SLC25A26: variants seen among roughly 807,000 people sequenced by gnomAD.
The protein encoded by SLC25A26 is solute carrier family 25 member 26, also known as mitochondrial S-adenosylmethionine carrier protein.
SLC25A26 carries 36 observed loss-of-function variants against 37.8 expected under a neutral mutation model. The observed-to-expected ratio is 0.95, with a 90% CI of 0.73 to 1.26. SLC25A26 has a LOEUF of 1.26. SLC25A26 is among the 50% of genes most tolerant of loss of function. The pLI, the probability that SLC25A26 is intolerant of heterozygous loss-of-function variation, is 0.00. For missense variants in SLC25A26, 390 were observed against 331.1 expected (o/e 1.18, Z -1.38); for synonymous variants, 129 against 122.5 (o/e 1.05, Z -0.35).
At chr3:66,151,664 C>T (rs1328189810) in intron 1 of SLC25A26, among the ~76,000 whole-genome samples, 1 of 152,184 alleles carries the variant, frequency 6.6e-6, no homozygotes, top group Non-Finnish European at 1.5e-5. Flanking sequence ...ATCATCCTCT[C>T]CTTCTGACTT....
intron 1 of SLC25A26, among the ~76,000 whole-genome samples, chr3:66,210,110 C>T (rs957047174): frequency 6.8e-4 from 103 of 150,428 alleles, no homozygotes; most frequent in African/African-American, 2.4e-3. Context: ...CCTTCACTTC[C>T]TCCTTCCTCC....
rs143402288 is a variant in SLC25A26, at chr3:66,295,637, G to T, written c.453+32258G>T. 2.1e-3 allele frequency among the ~76,000 whole-genome samples: 325 copies of T among 151,750 alleles called. 1 individual carries two copies. Among genetic ancestry groups the T allele is most frequent in the African/African-American group, 7.2e-3 (297 of 41,428 alleles). On this transcript the variant is annotated intron_variant, in intron 5 of 9. Coordinates refer to ENST00000354883, the MANE Select transcript of SLC25A26 (RefSeq NM_001379210.1). ...AGAATGCTCTTGATCTCCTGACTTC[G>T]TGATCCGCCCACCTCGGCCTCCCGA...
intron 5 of SLC25A26, among the ~76,000 whole-genome samples, chr3:66,314,116 C>T (rs1283863190): frequency 6.6e-6 from 1 of 152,126 alleles, no homozygotes; most frequent in Non-Finnish European, 1.5e-5. Context: ...TTATTTCTTT[C>T]TCTTGCCTGA....
At chr3:66,374,639 T>C (rs1227351400) in intron 9 of SLC25A26, among the ~76,000 whole-genome samples, 3 of 152,190 alleles carry the variant, frequency 2.0e-5, no homozygotes, top group Non-Finnish European at 4.4e-5. Flanking sequence ...AATCCCAGGA[T>C]TTTGGGGGGC....
At chr3:66,302,654 G>T (rs2075109591) in intron 5 of SLC25A26, among the ~76,000 whole-genome samples, 1 of 152,198 alleles carries the variant, frequency 6.6e-6, no homozygotes, top group Non-Finnish European at 1.5e-5. Flanking sequence ...ACATACATTA[G>T]TTAAAATCAA....
At chr3:66,298,018 C>G (rs565818849) in intron 5 of SLC25A26, among the ~76,000 whole-genome samples, 1 of 152,284 alleles carries the variant, frequency 6.6e-6, no homozygotes, top group East Asian at 1.9e-4. Flanking sequence ...AAAGTACAGT[C>G]CCTCCACGAA....
intron 1 of SLC25A26, among the ~76,000 whole-genome samples, chr3:66,186,295 C>G (rs1199450889): frequency 6.6e-6 from 1 of 151,890 alleles, no homozygotes; most frequent in Non-Finnish European, 1.5e-5. Flanking sequence ...GATATTATCT[C>G]ACTCTGACCC....
At chr3:66,314,087 C>T (rs1047421221) in intron 5 of SLC25A26, among the ~76,000 whole-genome samples, 1 of 152,184 alleles carries the variant, frequency 6.6e-6, no homozygotes, top group Non-Finnish European at 1.5e-5. Flanking sequence ...TTGACTTCCT[C>T]TCTTCTTGTT....
chr3:66,166,918 C>T (rs369855739), intron 1 of SLC25A26, among the ~76,000 whole-genome samples: 3 of 152,184 alleles, frequency 2.0e-5, no homozygotes, highest in African/African-American at 4.8e-5. Flanking sequence ...ATCATGGGGG[C>T]GGGTATTTCC....
rs376953132 is a variant in SLC25A26 at position 66,309,783 on chromosome 3, G to A, written c.454-36581G>A. 7.9e-5 allele frequency among the ~76,000 whole-genome samples: 12 copies of A among 151,954 alleles called. No homozygotes were observed. In the East Asian group the frequency reaches 1.5e-3, roughly 20 times the overall value. The stretch of plus-strand genomic sequence containing the variant: ...TTTATCTAATAGTCATTCAGGAGCA[G>A]GTTGTTTCCGTGTAGTTGCGTGGTT... On this transcript the variant is annotated intron_variant, in intron 5 of 9. Transcript: ENST00000354883.
intron 1 of SLC25A26, among the ~76,000 whole-genome samples, chr3:66,225,583 T>C (rs1553660213): frequency 2.6e-5 from 4 of 152,236 alleles, no homozygotes; most frequent in African/African-American, 9.6e-5. Context: ...CCCACTGTCT[T>C]GTCAGTTAAC....
intron 1 of SLC25A26, among the ~76,000 whole-genome samples, chr3:66,176,298 G>A (rs1391936421): frequency 2.0e-5 from 3 of 152,054 alleles, no homozygotes; most frequent in Non-Finnish European, 4.4e-5. Context: ...GTCTTCCATC[G>A]AAACTAAGAA....
At chr3:66,187,179 A>C (rs1477702000) in intron 1 of SLC25A26, among the ~76,000 whole-genome samples, 1 of 151,700 alleles carries the variant, frequency 6.6e-6, no homozygotes, top group South Asian at 2.1e-4. Context: ...CTTGACCCTG[A>C]CCCTCACCAT....
rs2073892725 is a variant in SLC25A26 at position 66,269,834 on chromosome 3, C to A, written c.453+6455C>A. ...ATTGTTTTCTTTGATTTACCTTGTTCTCTTTCAGTTTGTCCTTATAGTTGG... is the reference window on the plus strand; with the variant it reads ...ATTGTTTTCTTTGATTTACCTTGTTATCTTTCAGTTTGTCCTTATAGTTGG... On this transcript the variant is annotated intron_variant, in intron 5 of 9. Transcript: ENST00000354883. Among the ~76,000 whole-genome samples the A allele has an allele frequency of 2.0e-5, 3 of 152,120 alleles. 1 individual carries two copies. In the South Asian group the frequency reaches 6.2e-4, roughly 32 times the overall value.
At chr3:66,264,781 G>A (rs561655401) in intron 5 of SLC25A26, among the ~76,000 whole-genome samples, 23 of 152,178 alleles carry the variant, frequency 1.5e-4, no homozygotes, top group Non-Finnish European at 2.6e-4. Flanking sequence ...TCTGTATCAG[G>A]CAGTGAGCCC....
At chr3:66,349,222 A>AT (rs1403251702) in intron 6 of SLC25A26, among the ~76,000 whole-genome samples, 8 of 151,294 alleles carry the variant, frequency 5.3e-5, no homozygotes, top group East Asian at 1.9e-4. Flanking sequence ...AGATGCTGCC[A>AT]TTTTTTTTTC....
chr3:66,274,260 T>G (rs2074054603), intron 5 of SLC25A26, among the ~76,000 whole-genome samples: 1 of 152,104 alleles, frequency 6.6e-6, no homozygotes, highest in African/African-American at 2.4e-5. Context: ...CAAGATGGGT[T>G]AAAGACTTAA....
intron 5 of SLC25A26, among the ~76,000 whole-genome samples, chr3:66,335,172 C>T (rs1346615702): frequency 6.6e-6 from 1 of 152,170 alleles, no homozygotes; most frequent in African/African-American, 2.4e-5. Context: ...GCCCTAAATT[C>T]TGCTCCAAAT....
At chr3:66,160,694 G>A (rs1313285672) in intron 1 of SLC25A26, among the ~76,000 whole-genome samples, 8 of 152,168 alleles carry the variant, frequency 5.3e-5, no homozygotes, top group Non-Finnish European at 1.2e-4. Context: ...CAGCACTTTG[G>A]GAGGCTGAGG....
Sources: allele counts gnomAD v4.1 joint callset (sites outside exome capture counted in the v4.1 genomes callset), GRCh38; gene constraint gnomAD v4.1.1; transcripts MANE v1.5; gene names NCBI Gene and HGNC (gene_info 2026-07-23, HGNC 2026-07-21).